The following RBFOX3 variants were observed in gnomAD, a reference collection of about 807,000 sequenced individuals.
RBFOX3 encodes the protein RNA binding protein fox-1 homolog 3.
RBFOX3 carries 17 observed loss-of-function variants against 48.7 expected under a neutral mutation model. The ratio of observed to expected loss-of-function variants is 0.35; its 90% CI spans 0.24 to 0.52. The LOEUF (loss-of-function observed/expected upper bound fraction) is 0.52. Ranked by LOEUF, RBFOX3 falls within the 20% of genes least tolerant of loss-of-function variation. The probability of loss-of-function intolerance (pLI) is 0.94; values close to 1 mark genes in which losing one functional copy is unlikely to be tolerated. For missense variants in RBFOX3, 382 were observed against 497.5 expected, an observed-to-expected ratio of 0.77 and a Z score of 2.21; for synonymous variants, 212 against 209.5, an observed-to-expected ratio of 1.01 and a Z score of -0.10.
chr17:79,357,579 C>T (rs150786725), intron 2 of RBFOX3, among the ~76,000 whole-genome samples: 1,556 of 152,090 alleles, frequency 0.01, 34 homozygotes, highest in African/African-American at 0.034. Context: ...TGCAGTGAGC[C>T]GAGATTGCAC....
At chr17:79,178,634 A>C (rs918241954) in intron 4 of RBFOX3, among the ~76,000 whole-genome samples, 1 of 152,176 alleles carries the variant, frequency 6.6e-6, no homozygotes, top group Non-Finnish European at 1.5e-5. Flanking sequence ...TCAGCTGCCA[A>C]GGAATGAAAC....
chr17:79,310,736 C>A (rs957653017), intron 2 of RBFOX3, among the ~76,000 whole-genome samples: 1 of 152,210 alleles, frequency 6.6e-6, no homozygotes, highest in Non-Finnish European at 1.5e-5. Flanking sequence ...CAAGTCACCC[C>A]CAGCGCTGCC....
intron 4 of RBFOX3, among the ~76,000 whole-genome samples, chr17:79,190,282 A>G (rs2146437717): frequency 6.6e-6 from 1 of 152,300 alleles, no homozygotes; most frequent in Non-Finnish European, 1.5e-5. Context: ...GTGGTGACAC[A>G]TGCCTTTAAT....
chr17:79,466,404 C>T (rs894068272), intron 2 of RBFOX3, among the ~76,000 whole-genome samples: 5 of 152,186 alleles, frequency 3.3e-5, no homozygotes, highest in African/African-American at 9.7e-5. Context: ...GCAGCACCTG[C>T]GAGTGTTTGC....
At chr17:79,315,102 G>A (rs749013177) in intron 2 of RBFOX3, among the ~76,000 whole-genome samples, 3 of 152,152 alleles carry the variant, frequency 2.0e-5, no homozygotes, top group Non-Finnish European at 4.4e-5. Context: ...ACACAAAGCT[G>A]GTGTCAAAGC....
intron 1 of RBFOX3, among the ~76,000 whole-genome samples, chr17:79,496,060 C>A (rs1401968483): frequency 6.6e-6 from 1 of 151,860 alleles, no homozygotes; most frequent in Non-Finnish European, 1.5e-5. Context: ...GAGGGGACTG[C>A]GACCTTAATA....
intron 1 of RBFOX3, among the ~76,000 whole-genome samples, chr17:79,602,663 T>C (rs897599055): frequency 4.0e-5 from 6 of 151,356 alleles, no homozygotes; most frequent in Non-Finnish European, 4.4e-5. Flanking sequence ...GCACACACTT[T>C]GTTTTTTTTT....
At chr17:79,450,990 G>A (rs1296145299) in intron 2 of RBFOX3, among the ~76,000 whole-genome samples, 1 of 152,188 alleles carries the variant, frequency 6.6e-6, no homozygotes, top group Non-Finnish European at 1.5e-5. Context: ...AGAAGGGGGT[G>A]CAGCATTCTC....
At chr17:79,620,396 CACATGCACACACACGG>C in the RBFOX3 span, among the ~76,000 whole-genome samples, 6 of 150,596 alleles carry the variant, frequency 4.0e-5, no homozygotes, top group South Asian at 2.1e-4. Flanking sequence ...CACACATGCC[CACATGCACACACACGG>C]ACATGCACAC....
intron 1 of RBFOX3, among the ~76,000 whole-genome samples, chr17:79,510,991 T>C (rs1447512846): frequency 1.3e-5 from 2 of 152,162 alleles, no homozygotes; most frequent in Non-Finnish European, 2.9e-5. Context: ...CGGCCTCCTT[T>C]GTCCAAATAG....
chr17:79,325,306 TGAG>T (rs1461290360), intron 2 of RBFOX3, among the ~76,000 whole-genome samples: 1 of 152,156 alleles, frequency 6.6e-6, no homozygotes, highest in Non-Finnish European at 1.5e-5. Context: ...TCCCTGGAGA[TGAG>T]GAGTTTATAG....
chr17:79,277,311 G>GGA (rs2069136435), intron 3 of RBFOX3, among the ~76,000 whole-genome samples: 1 of 145,646 alleles, frequency 6.9e-6, no homozygotes, highest in Non-Finnish European at 1.5e-5. Context: ...GGAGGGGGGG[G>GGA]GTAGTGCTGC....
chr17:79,317,241 C>T (rs1006289452), intron 2 of RBFOX3, among the ~76,000 whole-genome samples: 1 of 152,174 alleles, frequency 6.6e-6, no homozygotes, highest in African/African-American at 2.4e-5. Context: ...ATTCGTATTC[C>T]AAAGTCTGCA....
In RBFOX3 at chr17:79,198,238, C is replaced by CA. The variant is rs2056077404; in HGVS notation, c.-34+37527dup. 2.6e-5 allele frequency among the ~76,000 whole-genome samples: 4 copies of CA among 152,188 alleles called. No individual in the cohort carries two copies. In the South Asian group the frequency reaches 8.3e-4, roughly 32 times the overall value. On this transcript the variant is annotated intron_variant, in intron 4 of 14. Transcript: ENST00000693108. This position sits in a 1 kb window ranked among gnomAD's most constrained non-coding sequence, Gnocchi z 8.2. Reference sequence around the variant, plus strand: ...GACCAGAAGGGGAAATCATGGGTGACAACCGCCTCTGGCCAGCCCTCTGCC... The same window carrying CA: ...GACCAGAAGGGGAAATCATGGGTGACAAACCGCCTCTGGCCAGCCCTCTGCC...
intron 9 of RBFOX3, chr17:79,098,871 A>T (rs1264620860): frequency 6.6e-6 from 1 of 152,284 alleles, no homozygotes; most frequent in Non-Finnish European, 1.5e-5. Flanking sequence ...CCAGCTGGGG[A>T]GATACATCTG....
At chr17:79,176,675 G>C (rs1421721555) in intron 4 of RBFOX3, among the ~76,000 whole-genome samples, 1 of 152,170 alleles carries the variant, frequency 6.6e-6, no homozygotes, top group Non-Finnish European at 1.5e-5. Flanking sequence ...CAGGGGCCTA[G>C]TTAGAGCCTG....
intron 1 of RBFOX3, among the ~76,000 whole-genome samples, chr17:79,487,400 G>C (rs1471373837): frequency 6.6e-6 from 1 of 152,226 alleles, no homozygotes; most frequent in African/African-American, 2.4e-5. Context: ...CAGAGGCCGG[G>C]TGGCGGGGAG....
rs1196289765 is a variant in RBFOX3, at chr17:79,361,792, G to A, written c.-174-53968C>T. ...CACTTATTTATTTAGAGAAGCAGAG[G>A]AAGTGGAGGTGTTGCCAGTTCTTGC... On this transcript the variant is annotated intron_variant, in intron 2 of 14. Transcript: ENST00000693108. This position sits in a 1 kb window ranked among gnomAD's most constrained non-coding sequence, Gnocchi z 4.5. Among the ~76,000 whole-genome samples, 3 of 152,238 alleles carry A rather than the reference G, an allele frequency of 2.0e-5. No homozygotes were observed. The highest frequency in any genetic ancestry group is 4.4e-5 in the Non-Finnish European group (3 of 68,044).
intron 2 of RBFOX3, among the ~76,000 whole-genome samples, chr17:79,447,729 C>T (rs1389159262): frequency 1.3e-5 from 2 of 152,200 alleles, no homozygotes; most frequent in African/African-American, 2.4e-5. Context: ...AAGCTTCATG[C>T]CATCCATGTG....
Sources: allele counts gnomAD v4.1 joint callset (sites outside exome capture counted in the v4.1 genomes callset), GRCh38; gene constraint gnomAD v4.1.1; non-coding constraint Gnocchi (gnomAD v3.1); transcripts MANE v1.5; gene names NCBI Gene and HGNC (gene_info 2026-07-23, HGNC 2026-07-21).